TSPOAP1: variants seen among roughly 807,000 people sequenced by gnomAD.
The protein encoded by TSPOAP1 is peripheral-type benzodiazepine receptor-associated protein 1.
Under a neutral mutation model 197.0 loss-of-function variants are expected in TSPOAP1, and 87 were observed. The observed-to-expected ratio is 0.44, with a 90% confidence interval of 0.37 to 0.53. The LOEUF is 0.53. Among genes scored for constraint, TSPOAP1 ranks in the 20% least tolerant of loss-of-function variants. The probability of loss-of-function intolerance (pLI) is 0.00; values close to 1 mark genes in which losing one functional copy is unlikely to be tolerated. For missense variants in TSPOAP1, 2,174 were observed against 2,411.3 expected (o/e 0.90, Z 2.06); for synonymous variants, 913 against 998.9 (o/e 0.91, Z 1.62).
chr17:58,320,095 G>A lies in TSPOAP1; in HGVS notation c.1494+14C>T, dbSNP rs200023546. 112 of 1,614,060 alleles carry A rather than the reference G, an allele frequency of 6.9e-5. No individual in the cohort carries two copies. The highest frequency in any genetic ancestry group is 1.6e-4 in the Middle Eastern group (1 of 6,084). On this transcript the variant is annotated intron_variant, in intron 12 of 31. Transcript: ENST00000343736. The stretch of plus-strand genomic sequence containing the variant: ...GCCTGGAGAGGTGTGGGGAAGTGGA[G>A]AACGAGGCGCTACCTGCATGGAATC...
At chr17:58,305,224 C>G in intron 29 of TSPOAP1, 53 bp from the exon 30 acceptor site, 1 of 1,509,918 alleles carries the variant, frequency 6.6e-7, no homozygotes, top group South Asian at 1.1e-5. Context: ...TCTGGCCCTG[C>G]CCCTCGACTC....
intron 11 of TSPOAP1, 141 bp downstream of exon 11, chr17:58,320,390 G>T: frequency 1.9e-6 from 2 of 1,074,606 alleles, no homozygotes; most frequent in Non-Finnish European, 2.6e-6. Context: ...TGGTGGAGGG[G>T]ACTCCCCCAG....
intron 4 of TSPOAP1, 40 bp downstream of exon 4, chr17:58,325,494 C>A (rs1359430177): frequency 6.2e-7 from 1 of 1,608,722 alleles, no homozygotes; most frequent in Middle Eastern, 2.2e-4. Context: ...TGGCCCTGTG[C>A]AGGGCTGAGC....
In TSPOAP1 at chr17:58,325,618, A is replaced by C; in HGVS notation, c.666T>G (p.Ser222Arg). 1.9e-6 allele frequency: 3 copies of C among 1,613,624 alleles called. No homozygotes were observed. Among genetic ancestry groups the C allele is most frequent in the Non-Finnish European group, 2.5e-6 (3 of 1,179,996 alleles). Reference protein sequence around the residue: ...QRARDLSETASALLAKDKQIA... With the variant: ...QRARDLSETARALLAKDKQIA... ...TCTGCTTGTCCTTGGCCAGCAGTGCACTGGCTGTCTCACTGAGGTCCCGGG... is the reference window on the plus strand; with the variant it reads ...TCTGCTTGTCCTTGGCCAGCAGTGCCCTGGCTGTCTCACTGAGGTCCCGGG... The change falls in exon 4 of 32, where the codon AGT (serine) becomes AGG (arginine). Residue 222 changes from serine (S) to arginine (R), a missense_variant. Ser to Arg is a moderately radical substitution (Grantham distance 110). This residue lies in a region of TSPOAP1 where 1,933 missense variants were observed against 2,139.0 expected (regional missense o/e 0.90). Transcript: ENST00000343736.
rs771851755 is a variant in TSPOAP1 at position 58,325,540 on chromosome 17, C to T, written c.744G>A (p.Val248=). The part of the protein sequence containing the change: ...CRELQARLTL[V]GKEGPQWLHV... ...GACCAGGGCCTCCTCGCACCTTGCC[C>T]ACCAGAGTGAGCCTGGCCTGCAGCT... is the stretch of plus-strand genomic sequence containing the variant. Residue 248 remains valine (V), a synonymous_variant, in exon 4 of 32, where the codon GTG becomes GTA. Coordinates refer to ENST00000343736, the MANE Select transcript of TSPOAP1 (RefSeq NM_004758.4). 1 of 1,612,326 alleles carries T rather than the reference C, an allele frequency of 6.2e-7. No homozygotes were observed.
At chr17:58,320,204 G>C (rs1971364301) in intron 11 of TSPOAP1, 75 bp from the exon 12 acceptor site, 2 of 1,564,346 alleles carry the variant, frequency 1.3e-6, no homozygotes, top group Admixed American at 1.7e-5. Context: ...GAGGGAGGCG[G>C]AGAAGGGGGC....
At chr17:58,315,949 A>T (rs1971219398) in intron 16 of TSPOAP1, 74 bp downstream of exon 16, 1 of 1,098,018 alleles carries the variant, frequency 9.1e-7, no homozygotes. Context: ...GGATGGATGG[A>T]TGGATATCCG....
Position 58,304,542 on chromosome 17 carries a change from C to G in TSPOAP1, c.5545-143G>C. 2.8e-6 allele frequency: 2 copies of G among 702,652 alleles called. No homozygotes were observed. Among genetic ancestry groups the G allele is most frequent in the Non-Finnish European group, 5.2e-6 (2 of 386,542 alleles). The allele number at this position is 702,652 out of a possible 1,614,324, so 43.5% of individuals were successfully genotyped here. On this transcript the variant is annotated intron_variant, in intron 30 of 31. Coordinates refer to ENST00000343736, the MANE Select transcript of TSPOAP1 (RefSeq NM_004758.4). This position sits in a 1 kb window ranked among gnomAD's most constrained non-coding sequence, Gnocchi z 4.2. ...CACATGGAAGCCCTGAGTTTTCTGG[C>G]TGGGGCTTGGCCTCTTCACCCTCTC...
chr17:58,321,300 C>CTT (rs200542407), intron 10 of TSPOAP1, among the ~76,000 whole-genome samples: 5 of 143,668 alleles, frequency 3.5e-5, no homozygotes, highest in Non-Finnish European at 4.6e-5. Context: ...CTTGTCAATT[C>CTT]TTTTTTTTTT....
rs192005784 is a variant in TSPOAP1, at chr17:58,324,637, C to T, written c.942+174G>A. Among the ~76,000 whole-genome samples, 16 of 152,130 alleles carry T rather than the reference C, an allele frequency of 1.1e-4. No homozygotes were observed. The highest frequency in any genetic ancestry group is 3.9e-4 in the African/African-American group (16 of 41,530). On this transcript the variant is annotated intron_variant, in intron 5 of 31. Transcript: ENST00000343736. The surrounding 1 kb of genome is among the most constrained non-coding windows in gnomAD (Gnocchi z 5.8). ...GGAGGGCACGGCGCAGGTACGAGCA[C>T]GGGAGGCTTGGAGGTGGACCCTGCC...
intron 23 of TSPOAP1, 23 bp downstream of exon 23, chr17:58,307,819 C>A: frequency 6.2e-7 from 1 of 1,613,872 alleles, no homozygotes; most frequent in Non-Finnish European, 8.5e-7. Context: ...GCAGCTCTAG[C>A]TCCAGCCCCA....
At chr17:58,303,921 A>G (rs1308251579) in intron 31 of TSPOAP1, 1 of 158,866 alleles carries the variant, frequency 6.3e-6, no homozygotes, top group African/African-American at 2.4e-5. Context: ...GAAGCCTATT[A>G]TTACTGGTGG....
rs1295691853 is a variant in TSPOAP1, at chr17:58,309,303, C to A, written c.3969G>T (p.Gln1323His). 8.7e-6 allele frequency: 14 copies of A among 1,613,674 alleles called. No individual in the cohort carries two copies. Among genetic ancestry groups the A allele is most frequent in the Non-Finnish European group, 1.1e-5 (13 of 1,180,026 alleles). Residue 1323 changes from glutamine to histidine, a missense_variant, in exon 22 of 32, where the codon CAG becomes CAT. Transcript: ENST00000343736. The surrounding 1 kb of genome is among the most constrained non-coding windows in gnomAD (Gnocchi z 5.0). The stretch of plus-strand genomic sequence containing the variant: ...TGCTAAAGAGCTTCTTGCTACAGAA[C>A]TGCTGGAGGGGCAGCTCCAGGATCT... Reference protein sequence around the residue: ...LEQILELPLQQFCSKKLFSIP... With the variant: ...LEQILELPLQHFCSKKLFSIP...
At chr17:58,308,108 A>G (rs569455235) in intron 22 of TSPOAP1, among the ~76,000 whole-genome samples, 167 bp from the exon 23 acceptor site, 39 of 152,122 alleles carry the variant, frequency 2.6e-4, no homozygotes, top group African/African-American at 8.4e-4. Context: ...ACACCCCCAC[A>G]GTGGGAGGGA....
Position 58,328,110 on chromosome 17 carries a change from C to T in TSPOAP1, c.-190G>A. On this transcript the variant is annotated 5_prime_UTR_variant, in exon 1 of 32. Transcript: ENST00000343736. This position sits in a 1 kb window ranked among gnomAD's most constrained non-coding sequence, Gnocchi z 4.3. ...GCAGAAGGCGCCAGGGCTGCTGGAG[C>T]TGGAGCCAGGGGTATGTGAGCTATG... 1.7e-6 allele frequency: 1 copy of T among 605,670 alleles called. No individual in the cohort carries two copies. The highest frequency in any genetic ancestry group is 2.9e-6 in the Non-Finnish European group (1 of 344,496). 37.5% of individuals were successfully genotyped at this position (605,670 alleles called of 1,614,324 possible).
At position 58,302,018 on chromosome 17, in the gene TSPOAP1, G is replaced by T; in HGVS notation, c.*462C>A. 3.2e-6 allele frequency: 1 copy of T among 309,756 alleles called. No homozygotes were observed. The highest frequency in any genetic ancestry group is 6.2e-6 in the Non-Finnish European group (1 of 160,798). The allele number at this position is 309,756 out of a possible 1,614,324, so 19.2% of individuals were successfully genotyped here. ...GGTCCAGTCCTGGCTCAGTGACCTT[G>T]GTCAAGTTACATACTCACTGTGGGC... On this transcript the variant is annotated 3_prime_UTR_variant, in exon 32 of 32. Coordinates refer to ENST00000343736, the MANE Select transcript of TSPOAP1 (RefSeq NM_004758.4).
chr17:58,320,053 G>A, intron 12 of TSPOAP1, 56 bp downstream of exon 12: 9 of 1,610,276 alleles, frequency 5.6e-6, no homozygotes, highest in Non-Finnish European at 6.8e-6. Flanking sequence ...CCTGAGGGAG[G>A]AGATGCAACT....
rs527326774 is a variant in TSPOAP1 at position 58,308,049 on chromosome 17, C to T, written c.4732-108G>A. ...CGTAAGCAGCACAGCAGCGCAGGAG[C>T]ACAGCATTCCTCTCCCGGAGCCTCG... On this transcript the variant is annotated intron_variant, in intron 22 of 31. Transcript: ENST00000343736. 20 of 1,115,584 alleles carry T rather than the reference C, an allele frequency of 1.8e-5. No individual in the cohort carries two copies. In the African/African-American group the frequency reaches 3.0e-4, roughly 17 times the overall value. 69.1% of individuals were successfully genotyped at this position (1,115,584 alleles called of 1,614,324 possible).
intron 31 of TSPOAP1, chr17:58,302,901 AC>A (rs1306487910): frequency 3.3e-5 from 5 of 152,982 alleles, no homozygotes; most frequent in African/African-American, 1.2e-4. Flanking sequence ...CCCCTCATAG[AC>A]AGAAAGAGCG....
Sources: gnomAD v4.1 joint callset for allele counts (sites outside exome capture counted in the v4.1 genomes callset) on GRCh38, gnomAD v4.1.1 for gene constraint, gnomAD v4.1.1 regional missense constraint, Gnocchi (gnomAD v3.1) non-coding constraint, MANE v1.5 for transcripts, NCBI Gene and HGNC (gene_info 2026-07-23, HGNC 2026-07-21) for gene names.